SYNPR: variants seen among roughly 807,000 people sequenced by gnomAD.
The protein encoded by SYNPR is synaptoporin.
A neutral mutation model predicts 32.9 loss-of-function variants in SYNPR; 23 were observed. That is an observed-to-expected ratio of 0.70 (90% CI 0.50 to 0.99). The LOEUF (loss-of-function observed/expected upper bound fraction) is 0.99, where lower values mean the gene tolerates loss of function less well. Ranked by LOEUF, SYNPR falls within the 50% of genes least tolerant of loss-of-function variation. The pLI, the probability that SYNPR is intolerant of heterozygous loss-of-function variation, is 0.00. For synonymous variants in SYNPR, 146 were observed against 135.9 expected, an observed-to-expected ratio of 1.07 and a Z score of -0.52; for missense variants, 318 against 349.3, an observed-to-expected ratio of 0.91 and a Z score of 0.71.
chr3:63,528,868 T>C (rs1243937296), intron 3 of SYNPR, among the ~76,000 whole-genome samples: 1 of 152,202 alleles, frequency 6.6e-6, no homozygotes, highest in Non-Finnish European at 1.5e-5. Context: ...GTCTTCATCC[T>C]TTGAATGACT....
intron 2 of SYNPR, among the ~76,000 whole-genome samples, chr3:63,461,271 A>T (rs1700580798): frequency 6.6e-6 from 1 of 152,138 alleles, no homozygotes; most frequent in African/African-American, 2.4e-5. Flanking sequence ...AGAAATGAGA[A>T]CATTATAATA....
At chr3:63,332,576 G>A (rs1336419104) in intron 2 of SYNPR, among the ~76,000 whole-genome samples, 1 of 152,308 alleles carries the variant, frequency 6.6e-6, no homozygotes, top group African/African-American at 2.4e-5. Context: ...GAGAAGGTAT[G>A]GGTGGATGGG....
chr3:63,587,111 G>A (rs1486626908), intron 4 of SYNPR, among the ~76,000 whole-genome samples: 4 of 151,488 alleles, frequency 2.6e-5, no homozygotes, highest in East Asian at 1.9e-4. Context: ...TCAAATTAAC[G>A]TCAGAATCCA....
rs182111153 is a variant in SYNPR at position 63,533,050 on chromosome 3, T to C, written c.210-23493T>C. Among the ~76,000 whole-genome samples the C allele has an allele frequency of 2.0e-5, 3 of 152,300 alleles. No homozygotes were observed. In the East Asian group the frequency reaches 5.8e-4, roughly 29 times the overall value. On this transcript the variant is annotated intron_variant, in intron 3 of 5. Transcript: ENST00000478300. Reference sequence around the variant, plus strand: ...TTGCACTTGACCTATACCTCAATTATAGCACTTAGCACAGTCTCTCTGGCA... The same window carrying C: ...TTGCACTTGACCTATACCTCAATTACAGCACTTAGCACAGTCTCTCTGGCA...
intron 2 of SYNPR, among the ~76,000 whole-genome samples, chr3:63,355,366 T>G (rs1408701632): frequency 1.3e-5 from 2 of 151,598 alleles, no homozygotes; most frequent in Non-Finnish European, 2.9e-5. Flanking sequence ...AAGACCAGCA[T>G]CTACTAGAGG....
intron 2 of SYNPR, among the ~76,000 whole-genome samples, chr3:63,478,351 A>G (rs1430386861): frequency 6.6e-6 from 1 of 152,174 alleles, no homozygotes; most frequent in East Asian, 1.9e-4. Context: ...ATATCCTTCA[A>G]TTCCAATTTG....
chr3:63,262,409 C>G (rs2086446841), intron 2 of SYNPR, among the ~76,000 whole-genome samples: 1 of 152,138 alleles, frequency 6.6e-6, no homozygotes, highest in Non-Finnish European at 1.5e-5. Flanking sequence ...GGAGAGAAAC[C>G]ATGAGGAAGT....
At chr3:63,534,415 A>G (rs985371) in intron 3 of SYNPR, among the ~76,000 whole-genome samples, 33,339 of 152,128 alleles carry the variant, frequency 0.22, 3,721 homozygotes, top group East Asian at 0.32. Context: ...CTCATTTGCA[A>G]TATCTCACTT....
intron 2 of SYNPR, among the ~76,000 whole-genome samples, chr3:63,254,479 A>G (rs1353561381): frequency 6.6e-6 from 1 of 152,178 alleles, no homozygotes; most frequent in Non-Finnish European, 1.5e-5. Context: ...CTGCTGCACT[A>G]TTATTTTATC....
chr3:63,603,065 T>TGATG (rs1700067624), intron 4 of SYNPR, among the ~76,000 whole-genome samples: 1 of 152,178 alleles, frequency 6.6e-6, no homozygotes, highest in Non-Finnish European at 1.5e-5. Context: ...TTCATCTCCC[T>TGATG]GATTTGCTGT....
chr3:63,357,276 C>T (rs1433826087), intron 2 of SYNPR, among the ~76,000 whole-genome samples: 3 of 152,128 alleles, frequency 2.0e-5, no homozygotes, highest in African/African-American at 7.2e-5. Context: ...CCCCAGACGT[C>T]CCCTTACCAA....
At chr3:63,485,571 T>C (rs921934753) in intron 3 of SYNPR, among the ~76,000 whole-genome samples, 1 of 152,124 alleles carries the variant, frequency 6.6e-6, no homozygotes, top group Non-Finnish European at 1.5e-5. Flanking sequence ...GAATTCAGTA[T>C]ATTTTCTCAC....
intron 3 of SYNPR, among the ~76,000 whole-genome samples, chr3:63,498,436 C>T (rs942351716): frequency 2.6e-5 from 4 of 152,074 alleles, no homozygotes; most frequent in Non-Finnish European, 4.4e-5. Context: ...AACAAGCAAA[C>T]GAGCAAGAGA....
At chr3:63,439,540 T>C (rs1700133732) in intron 2 of SYNPR, among the ~76,000 whole-genome samples, 2 of 152,178 alleles carry the variant, frequency 1.3e-5, no homozygotes, top group Admixed American at 6.5e-5. Flanking sequence ...GACAAATATA[T>C]GGGCAAGTAT....
At chr3:63,609,640 C>T (rs1700170787) in intron 5 of SYNPR, among the ~76,000 whole-genome samples, 1 of 152,208 alleles carries the variant, frequency 6.6e-6, no homozygotes, top group Non-Finnish European at 1.5e-5. Context: ...GACGCAATGG[C>T]TCACGCCTAT....
At chr3:63,244,228 G>T (rs1424609316) in intron 1 of SYNPR, among the ~76,000 whole-genome samples, 1 of 152,062 alleles carries the variant, frequency 6.6e-6, no homozygotes, top group Non-Finnish European at 1.5e-5. Flanking sequence ...GAGCCACACA[G>T]ATAATGTATC....
At chr3:63,564,477 G>C (rs1307310936) in intron 4 of SYNPR, among the ~76,000 whole-genome samples, 1 of 150,216 alleles carries the variant, frequency 6.7e-6, no homozygotes, top group Non-Finnish European at 1.5e-5. Context: ...TTGCAGGTGT[G>C]AGCCACCGTG....
At chr3:63,264,452 C>T (rs778899882) in intron 2 of SYNPR, among the ~76,000 whole-genome samples, 14 of 152,098 alleles carry the variant, frequency 9.2e-5, no homozygotes, top group Non-Finnish European at 1.8e-4. Context: ...AGAGAAACTC[C>T]TCGAGCTTTT....
the SYNPR span, among the ~76,000 whole-genome samples, chr3:63,221,545 T>A: frequency 6.6e-6 from 1 of 152,102 alleles, no homozygotes; most frequent in South Asian, 2.1e-4. Flanking sequence ...ATAGAAAGCG[T>A]ATATTTGGCC....
Sources: gnomAD v4.1 joint callset for allele counts (sites outside exome capture counted in the v4.1 genomes callset) on GRCh38, gnomAD v4.1.1 for gene constraint, MANE v1.5 for transcripts, NCBI Gene and HGNC (gene_info 2026-07-23, HGNC 2026-07-21) for gene names.